The following SLC35F6 variants were observed in gnomAD, a reference collection of about 807,000 sequenced individuals.
The protein encoded by SLC35F6 is solute carrier family 35 member F6, also known as ANT2-binding protein.
In SLC35F6, 26 loss-of-function variants were observed where a neutral mutation model predicts 29.4. The ratio of observed to expected loss-of-function variants is 0.89; its 90% CI spans 0.65 to 1.23. The LOEUF (loss-of-function observed/expected upper bound fraction) is 1.23, where lower values mean the gene tolerates loss of function less well. Among genes scored for constraint, SLC35F6 ranks in the 50% most tolerant of loss-of-function variants. SLC35F6 has a pLI of 0.00. For missense variants in SLC35F6, 428 were observed against 487.8 expected (o/e 0.88, Z 1.15); for synonymous variants, 174 against 206.6 (o/e 0.84, Z 1.35).
intron 1 of SLC35F6, among the ~76,000 whole-genome samples, chr2:26,772,563 G>A (rs1005571205): frequency 5.9e-5 from 9 of 152,180 alleles, no homozygotes; most frequent in Admixed American, 2.0e-4. Context: ...ACATGAGGGA[G>A]GGCCACGCCT....
Position 26,778,319 on chromosome 2 carries a change from G to A in SLC35F6, c.924G>A (p.Leu308=), listed in dbSNP as rs1368287287. 1 of 1,614,086 alleles carries A rather than the reference G, an allele frequency of 6.2e-7. No homozygotes were observed. The highest frequency in any genetic ancestry group is 8.5e-7 in the Non-Finnish European group (1 of 1,180,042). ...CCGTTGTCATCTGGGCACTGAGCCT[G>A]GCACTGGGCTGGGAGGCCTTCCATG... ...LRTVVIWALS[L]ALGWEAFHAL... Residue 308 remains leucine, a synonymous_variant, in exon 6 of 6, where the codon CTG becomes CTA. Transcript: ENST00000344420.
Position 26,775,120 on chromosome 2 carries a change from C to G in SLC35F6, c.227C>G (p.Ser76Ter). The change falls in exon 3 of 6, where the codon TCA becomes TGA. Residue 76 changes from serine (S) to a stop codon, truncating the protein, a stop_gained. Transcript: ENST00000344420. LOFTEE classifies it high-confidence loss of function. This position sits in a 1 kb window ranked among gnomAD's most constrained non-coding sequence, Gnocchi z 4.6. ...CTCCGATGCAGAGCTGCAGGGCAAT[C>G]AGACTCCAGCGTAGACCCCCAGCAG... ...YLLRCRAAGQ[S>*]DSSVDPQQPF... is the part of the protein sequence containing the mutation. The G allele has an allele frequency of 6.2e-7, 1 of 1,614,182 alleles. No homozygotes were observed. The highest frequency in any genetic ancestry group is 1.1e-5 in the South Asian group (1 of 91,088).
chr2:26,774,684 C>G (rs553820228), intron 2 of SLC35F6, among the ~76,000 whole-genome samples: 1 of 152,342 alleles, frequency 6.6e-6, no homozygotes, highest in Non-Finnish European at 1.5e-5. Flanking sequence ...AACTGAGAAT[C>G]AGGAGACTCA....
rs1664370845 is a variant in SLC35F6, at chr2:26,779,554, G to C, written c.*1043G>C. Reference sequence around the variant, plus strand: ...TTGTTTGTTTCTTCTTTTTGAGACAGAGTCTTGCTCTGTTGCCACGCTGGA... The same window carrying C: ...TTGTTTGTTTCTTCTTTTTGAGACACAGTCTTGCTCTGTTGCCACGCTGGA... On this transcript the variant is annotated 3_prime_UTR_variant, in exon 6 of 6. Transcript: ENST00000344420. 6.6e-6 allele frequency: 1 copy of C among 152,346 alleles called. No individual in the cohort carries two copies. The highest frequency in any genetic ancestry group is 1.5e-5 in the Non-Finnish European group (1 of 68,190). 9.4% of individuals were successfully genotyped at this position (152,346 alleles called of 1,614,324 possible). A position where few individuals can be genotyped will look rare whatever the true frequency, so the allele number is the denominator to read the frequency against.
At position 26,778,216 on chromosome 2, in the gene SLC35F6, C is replaced by A; in HGVS notation, c.821C>A (p.Ala274Asp). 2 of 1,614,156 alleles carry A rather than the reference C, an allele frequency of 1.2e-6. No homozygotes were observed. Among genetic ancestry groups the A allele is most frequent in the Non-Finnish European group, 1.7e-6 (2 of 1,180,028 alleles). Residue 274 changes from alanine (A) to aspartate (D), a missense_variant, in exon 6 of 6, where the codon GCC (alanine) becomes GAC (aspartate). Transcript: ENST00000344420. ...VALLGNISSI[A>D]FFNFAGISVT... ...CTGCTGGGCAACATCAGCAGCATTG[C>A]CTTCTTCAACTTCGCAGGCATCAGC...
At chr2:26,777,491 A>G (rs1171990042) in intron 5 of SLC35F6, among the ~76,000 whole-genome samples, 1 of 152,216 alleles carries the variant, frequency 6.6e-6, no homozygotes, top group African/African-American at 2.4e-5. Context: ...TGAATTAGCT[A>G]TATCACTGAG....
rs1225161505 is a variant in SLC35F6, at chr2:26,778,660, A to G, written c.*149A>G. On this transcript the variant is annotated 3_prime_UTR_variant, in exon 6 of 6. Coordinates refer to ENST00000344420, the MANE Select transcript of SLC35F6 (RefSeq NM_017877.4). ...CCCAGGGCAGCTGCTGCCACAGAAG[A>G]TAACAACACCCAAGTCCTCTTTTTC... 1.4e-6 allele frequency: 1 copy of G among 736,276 alleles called. No homozygotes were observed. The highest frequency in any genetic ancestry group is 2.7e-5 in the East Asian group (1 of 36,770). The allele number at this position is 736,276 out of a possible 1,614,324, so 45.6% of individuals were successfully genotyped here.
At chr2:26,765,577 G>GCGAT (rs1664083277) in intron 1 of SLC35F6, among the ~76,000 whole-genome samples, 1 of 152,252 alleles carries the variant, frequency 6.6e-6, no homozygotes, top group Admixed American at 6.5e-5. Flanking sequence ...TGACCAAGAG[G>GCGAT]CGATCTCTGC....
At chr2:26,772,063 AC>A (rs749350410) in intron 1 of SLC35F6, among the ~76,000 whole-genome samples, 1 of 151,846 alleles carries the variant, frequency 6.6e-6, no homozygotes. Flanking sequence ...AATCTTAACT[AC>A]CCCTCTTTCT....
In SLC35F6 at chr2:26,778,513, G is replaced by T. The variant is rs766437801; in HGVS notation, c.*2G>T. On this transcript the variant is annotated 3_prime_UTR_variant, in exon 6 of 6. Transcript: ENST00000344420. ...ACTCCCATCAATGATGCCAGCTGAG[G>T]TTCCCTGGAGGCTTCTACTGCCACC... The T allele has an allele frequency of 1.0e-4, 159 of 1,587,406 alleles. 1 individual carries two copies. Among genetic ancestry groups the T allele is most frequent in the Non-Finnish European group, 1.3e-4 (154 of 1,167,828 alleles).
Position 26,778,082 on chromosome 2 carries a change from C to T in SLC35F6, c.687C>T (p.Pro229=). The T allele has an allele frequency of 6.2e-7, 1 of 1,613,772 alleles. No homozygotes were observed. The highest frequency in any genetic ancestry group is 8.5e-7 in the Non-Finnish European group (1 of 1,179,700). Residue 229 remains proline, a synonymous_variant, in exon 6 of 6, where the codon CCC becomes CCT. Coordinates refer to ENST00000344420, the MANE Select transcript of SLC35F6 (RefSeq NM_017877.4). ...TGATCCTCTCCCTGCTGCTGGTGCC[C>T]ATGTACTACATCCCCGCCGGCTCCT... is the stretch of plus-strand genomic sequence containing the variant. The part of the protein sequence containing the change: ...GFVILSLLLV[P]MYYIPAGSFS...
chr2:26,774,476 A>T (rs1375864099), intron 2 of SLC35F6, among the ~76,000 whole-genome samples, 153 bp downstream of exon 2: 2 of 152,208 alleles, frequency 1.3e-5, no homozygotes, highest in African/African-American at 2.4e-5. Flanking sequence ...TCCCCAGAGC[A>T]GAATCCAAGG....
At position 26,775,762 on chromosome 2, in the gene SLC35F6, A is replaced by G; in HGVS notation, c.535+86A>G. ...AGCACAGACTCATACAAGCTCTGCCATGTGCCATATACCAAGCCCTGGGTG... is the reference window on the plus strand; with the variant it reads ...AGCACAGACTCATACAAGCTCTGCCGTGTGCCATATACCAAGCCCTGGGTG... On this transcript the variant is annotated intron_variant, in intron 4 of 5. Transcript: ENST00000344420. This position sits in a 1 kb window ranked among gnomAD's most constrained non-coding sequence, Gnocchi z 4.6. 7.1e-7 allele frequency: 1 copy of G among 1,405,326 alleles called. No homozygotes were observed. Among genetic ancestry groups the G allele is most frequent in the Non-Finnish European group, 9.4e-7 (1 of 1,058,292 alleles). The allele number at this position is 1,405,326 out of a possible 1,614,324, so 87.1% of individuals were successfully genotyped here. A position where few individuals can be genotyped will look rare whatever the true frequency, so the allele number is the denominator to read the frequency against.
Position 26,775,790 on chromosome 2 carries a change from G to A in SLC35F6, c.535+114G>A, listed in dbSNP as rs926084540. 98 of 1,211,970 alleles carry A rather than the reference G, an allele frequency of 8.1e-5. No individual in the cohort carries two copies. Among genetic ancestry groups the A allele is most frequent in the Non-Finnish European group, 1.1e-4 (96 of 891,612 alleles). The allele number at this position is 1,211,970 out of a possible 1,614,324, so 75.1% of individuals were successfully genotyped here. On this transcript the variant is annotated intron_variant, in intron 4 of 5. Coordinates refer to ENST00000344420, the MANE Select transcript of SLC35F6 (RefSeq NM_017877.4). The surrounding 1 kb of genome is among the most constrained non-coding windows in gnomAD (Gnocchi z 4.6). ...TGCCATATACCAAGCCCTGGGTGAG[G>A]TGGGTAGCTCTGGAGGTGATGGATA...
chr2:26,775,253 A>G lies in SLC35F6; in HGVS notation c.322+38A>G. The G allele has an allele frequency of 6.3e-7, 1 of 1,594,214 alleles. No homozygotes were observed. Among genetic ancestry groups the G allele is most frequent in the South Asian group, 1.1e-5 (1 of 89,038 alleles). The stretch of plus-strand genomic sequence containing the variant: ...GCCAGGCTGAGAAGGGCTCAGGGGA[A>G]GCTGTGGCTGAAGGGGCTACTGGTG... On this transcript the variant is annotated intron_variant, in intron 3 of 5. Coordinates refer to ENST00000344420, the MANE Select transcript of SLC35F6 (RefSeq NM_017877.4). The surrounding 1 kb of genome is among the most constrained non-coding windows in gnomAD (Gnocchi z 4.6).
chr2:26,778,098 G>A lies in SLC35F6; in HGVS notation c.703G>A (p.Ala235Thr), dbSNP rs559842319. The A allele has an allele frequency of 5.6e-6, 9 of 1,614,076 alleles. No homozygotes were observed. Among genetic ancestry groups the A allele is most frequent in the Middle Eastern group, 1.6e-4 (1 of 6,062 alleles). ...GCTGGTGCCCATGTACTACATCCCC[G>A]CCGGCTCCTTCAGCGGAAACCCTCG... ...LLLVPMYYIPAGSFSGNPRGT... is the reference protein window; with the variant it reads ...LLLVPMYYIPTGSFSGNPRGT... The change falls in exon 6 of 6, where the codon GCC (alanine) becomes ACC (threonine). Residue 235 changes from alanine to threonine, a missense_variant. Ala to Thr is a moderately conservative substitution (Grantham distance 58, BLOSUM62 0). Coordinates refer to ENST00000344420, the MANE Select transcript of SLC35F6 (RefSeq NM_017877.4).
At chr2:26,764,804 A>G (rs1572629641) in intron 1 of SLC35F6, 1 of 985,288 alleles carries the variant, frequency 1.0e-6, no homozygotes, top group Non-Finnish European at 1.2e-6. Context: ...GTGGCTGTGC[A>G]GGCCGAGTGA....
At chr2:26,773,819 G>T (rs1303617139) in intron 1 of SLC35F6, among the ~76,000 whole-genome samples, 3 of 151,818 alleles carry the variant, frequency 2.0e-5, no homozygotes, top group Non-Finnish European at 4.4e-5. Flanking sequence ...CACCATGTTG[G>T]CCAGGCGGTC....
intron 5 of SLC35F6, 146 bp downstream of exon 5, chr2:26,776,628 A>C (rs1432880271): frequency 1.5e-6 from 1 of 669,692 alleles, no homozygotes; most frequent in African/African-American, 1.8e-5. Context: ...AAGTCTTCTG[A>C]CACCTGCTGT....
Sources: allele counts gnomAD v4.1 joint callset (sites outside exome capture counted in the v4.1 genomes callset), GRCh38; gene constraint gnomAD v4.1.1; non-coding constraint Gnocchi (gnomAD v3.1); transcripts MANE v1.5; gene names NCBI Gene and HGNC (gene_info 2026-07-23, HGNC 2026-07-21).